Variants in RAB3C observed in about 807,000 individuals in gnomAD.
The protein encoded by RAB3C is ras-related protein Rab-3C.
RAB3C carries 17 observed loss-of-function variants against 26.4 expected under a neutral mutation model. That is an observed-to-expected ratio of 0.64 (90% CI 0.44 to 0.97). The LOEUF is 0.97. RAB3C is among the 50% of genes least tolerant of loss of function. The probability of loss-of-function intolerance (pLI) is 0.00; values close to 1 mark genes in which losing one functional copy is unlikely to be tolerated. For missense variants in RAB3C, 242 were observed against 281.9 expected (o/e 0.86, Z 1.01); for synonymous variants, 91 against 95.9 (o/e 0.95, Z 0.30).
chr5:58,766,880 C>T (rs972302662), intron 3 of RAB3C, among the ~76,000 whole-genome samples: 1 of 152,188 alleles, frequency 6.6e-6, no homozygotes, highest in Non-Finnish European at 1.5e-5. Flanking sequence ...CTGGCAGAAG[C>T]TGATTCCAAA....
chr5:58,738,103 G>A (rs1741191299), intron 3 of RAB3C, among the ~76,000 whole-genome samples: 1 of 152,140 alleles, frequency 6.6e-6, no homozygotes. Context: ...GATGGGAAAT[G>A]TCTGCTCATT....
At chr5:58,597,744 A>T (rs867422540) in intron 1 of RAB3C, among the ~76,000 whole-genome samples, 4 of 122,956 alleles carry the variant, frequency 3.3e-5, no homozygotes, top group African/African-American at 9.7e-5. Context: ...ATAACATATA[A>T]TACATTATAT....
At chr5:58,697,349 G>A (rs904817097) in intron 2 of RAB3C, among the ~76,000 whole-genome samples, 1 of 152,128 alleles carries the variant, frequency 6.6e-6, no homozygotes, top group Non-Finnish European at 1.5e-5. Context: ...CCAATTATGT[G>A]GTCAATTTTA....
intron 3 of RAB3C, among the ~76,000 whole-genome samples, chr5:58,810,000 G>T (rs1743033262): frequency 6.6e-6 from 1 of 152,202 alleles, no homozygotes; most frequent in South Asian, 2.1e-4. Context: ...TTGCAGAACA[G>T]TTGGAGCAAT....
chr5:58,739,072 G>GC (rs1450110631), intron 3 of RAB3C, among the ~76,000 whole-genome samples: 1 of 152,124 alleles, frequency 6.6e-6, no homozygotes, highest in African/African-American at 2.4e-5. Flanking sequence ...TGATTATTCT[G>GC]TTTAGAAAAC....
chr5:58,598,480 T>A (rs1490086998), intron 1 of RAB3C, among the ~76,000 whole-genome samples: 3 of 152,070 alleles, frequency 2.0e-5, no homozygotes, highest in African/African-American at 7.2e-5. Flanking sequence ...CTTATTAGTC[T>A]AGACATGAAA....
rs1744116552 is a variant in RAB3C, at chr5:58,851,583, G to A, written c.*232G>A. On this transcript the variant is annotated 3_prime_UTR_variant, in exon 5 of 5. Coordinates refer to ENST00000282878, the MANE Select transcript of RAB3C (RefSeq NM_138453.4). ...CTATAAACATCTGGTACCTGCATGT[G>A]ACTTGTTATTTATTTGTCTGCTAGG... 2.6e-6 allele frequency: 1 copy of A among 389,808 alleles called. No homozygotes were observed. Among genetic ancestry groups the A allele is most frequent in the East Asian group, 3.8e-5 (1 of 26,332 alleles). 24.1% of individuals were successfully genotyped at this position (389,808 alleles called of 1,614,324 possible).
chr5:58,605,624 G>A (rs767393257), intron 1 of RAB3C, among the ~76,000 whole-genome samples: 32 of 152,264 alleles, frequency 2.1e-4, no homozygotes, highest in East Asian at 1.7e-3. Flanking sequence ...CTGGCTGGGC[G>A]CGGTGGCTCA....
chr5:58,696,698 T>C (rs548399563), intron 2 of RAB3C, among the ~76,000 whole-genome samples: 3 of 152,316 alleles, frequency 2.0e-5, no homozygotes, highest in Admixed American at 6.5e-5. Flanking sequence ...GATTTTCTAG[T>C]TTATTTGTGT....
chr5:58,594,124 G>A (rs528303207), intron 1 of RAB3C, among the ~76,000 whole-genome samples: 3 of 152,264 alleles, frequency 2.0e-5, no homozygotes, highest in Admixed American at 6.5e-5. Flanking sequence ...ATCAATGGGC[G>A]TTACTTGCTA....
rs1389165213 is a variant in RAB3C at position 58,852,857 on chromosome 5, A to C, written c.*1506A>C. The C allele has an allele frequency of 1.6e-5, 2 of 124,216 alleles. No individual in the cohort carries two copies. Among genetic ancestry groups the C allele is most frequent in the Non-Finnish European group, 3.5e-5 (2 of 56,720 alleles). The allele number at this position is 124,216 out of a possible 1,614,324, so 7.7% of individuals were successfully genotyped here. A position where few individuals can be genotyped will look rare whatever the true frequency, so the allele number is the denominator to read the frequency against. ...TACTTTTTTGGTGGTTATGTCAAAG[A>C]ATTTTTTTCCTCTTCTCAAAAATAG... On this transcript the variant is annotated 3_prime_UTR_variant, in exon 5 of 5. Transcript: ENST00000282878.
chr5:58,757,573 A>C (rs1304335577), intron 3 of RAB3C, among the ~76,000 whole-genome samples: 2 of 152,254 alleles, frequency 1.3e-5, no homozygotes, highest in Admixed American at 6.5e-5. Flanking sequence ...TGTCCTTCTC[A>C]GGCTATCACA....
chr5:58,607,841 T>A (rs1746606291), intron 1 of RAB3C, among the ~76,000 whole-genome samples: 1 of 151,998 alleles, frequency 6.6e-6, no homozygotes, highest in African/African-American at 2.4e-5. Context: ...AGAAATAAAA[T>A]CCTTTACAGA....
intron 2 of RAB3C, among the ~76,000 whole-genome samples, chr5:58,710,135 T>C (rs997730311): frequency 2.6e-5 from 4 of 152,166 alleles, no homozygotes; most frequent in African/African-American, 9.7e-5. Flanking sequence ...CCACTCAAAA[T>C]TGCTTTTGAT....
rs73757966 is a variant in RAB3C, at chr5:58,755,193, T to C, written c.371+29073T>C. ...TGGAATGTGGATAATTTCCAGAAGA[T>C]ACTGAGAGACAGTGCTGGTTTCTGA... is the stretch of plus-strand genomic sequence containing the variant. On this transcript the variant is annotated intron_variant, in intron 3 of 4. Coordinates refer to ENST00000282878, the MANE Select transcript of RAB3C (RefSeq NM_138453.4). Among the ~76,000 whole-genome samples, 1,144 of 152,328 alleles carry C rather than the reference T, an allele frequency of 7.5e-3. 21 individuals are homozygous for C. The highest frequency in any genetic ancestry group is 0.026 in the African/African-American group (1,091 of 41,558).
intron 3 of RAB3C, among the ~76,000 whole-genome samples, chr5:58,797,358 G>GTATATATATAATATATATATATATA (rs1742688827): frequency 3.8e-5 from 1 of 26,290 alleles, no homozygotes; most frequent in East Asian, 1.2e-3. Context: ...AAAAAAATAT[G>GTATATATATAATATATATATATATA]TATATATATA....
chr5:58,589,252 C>T (rs1746077682), intron 1 of RAB3C, among the ~76,000 whole-genome samples: 1 of 151,978 alleles, frequency 6.6e-6, no homozygotes, highest in Admixed American at 6.6e-5. Context: ...TCTGGCATTC[C>T]TTAGATAAAC....
intron 3 of RAB3C, among the ~76,000 whole-genome samples, chr5:58,795,284 G>A (rs1472749782): frequency 6.6e-6 from 1 of 152,120 alleles, no homozygotes; most frequent in East Asian, 1.9e-4. Flanking sequence ...AAATTACCCA[G>A]TTTCGGGTAT....
rs1000481602 is a variant in RAB3C at position 58,827,945 on chromosome 5, T to C, written c.496+2783T>C. ...ATCACATACACACAAAAGTTGCACATTGTTTTTTAAAAGTCATTACCACAT... is the reference window on the plus strand; with the variant it reads ...ATCACATACACACAAAAGTTGCACACTGTTTTTTAAAAGTCATTACCACAT... On this transcript the variant is annotated intron_variant, in intron 4 of 4. Transcript: ENST00000282878. Among the ~76,000 whole-genome samples, 4 of 152,246 alleles carry C rather than the reference T, an allele frequency of 2.6e-5. No homozygotes were observed. In the East Asian group the frequency reaches 5.8e-4, roughly 22 times the overall value.
Sources: gnomAD v4.1 joint callset for allele counts (sites outside exome capture counted in the v4.1 genomes callset) on GRCh38, gnomAD v4.1.1 for gene constraint, MANE v1.5 for transcripts, NCBI Gene and HGNC (gene_info 2026-07-23, HGNC 2026-07-21) for gene names.